NPFFR2: variants seen among roughly 807,000 people sequenced by gnomAD.
The protein encoded by NPFFR2 is G-protein coupled receptor 74.
Under a neutral mutation model 13.1 loss-of-function variants are expected in NPFFR2, and 15 were observed. The observed-to-expected ratio is 1.15, with a 90% confidence interval of 0.77 to 1.76. NPFFR2 has a LOEUF of 1.76. NPFFR2 is among the 40% of genes most tolerant of loss of function. The pLI is 0.00. For missense variants in NPFFR2, 572 were observed against 503.5 expected (o/e 1.14, Z -1.30); for synonymous variants, 190 against 175.7 (o/e 1.08, Z -0.65).
chr4:72,041,249 T>G (rs1205577547), intron 1 of NPFFR2, among the ~76,000 whole-genome samples: 1 of 152,196 alleles, frequency 6.6e-6, no homozygotes, highest in African/African-American at 2.4e-5. Context: ...ACATATGGTA[T>G]TTAGTTTTCT....
At chr4:72,144,186 A>T (rs1722708621) in intron 3 of NPFFR2, among the ~76,000 whole-genome samples, 1 of 118,098 alleles carries the variant, frequency 8.5e-6, no homozygotes, top group African/African-American at 4.4e-5. Context: ...TCCAGGGAGA[A>T]CTTGAATATG....
rs544765945 is a variant in NPFFR2 at position 72,070,667 on chromosome 4, C to T, written c.-8+38467C>T. Among the ~76,000 whole-genome samples, 21 of 151,930 alleles carry T rather than the reference C, an allele frequency of 1.4e-4. 1 individual carries two copies. The highest frequency in any genetic ancestry group is 1.2e-3 in the Admixed American group (18 of 15,224). Reference sequence around the variant, plus strand: ...GACACAAATGCCTGAGGACCCTCCCCTCATGGCCTTCCGCAGCTCCATTTG... The same window carrying T: ...GACACAAATGCCTGAGGACCCTCCCTTCATGGCCTTCCGCAGCTCCATTTG... On this transcript the variant is annotated intron_variant, in intron 1 of 3. Transcript: ENST00000308744.
intron 1 of NPFFR2, among the ~76,000 whole-genome samples, chr4:72,061,166 A>G (rs1022605770): frequency 6.6e-6 from 1 of 152,160 alleles, no homozygotes; most frequent in African/African-American, 2.4e-5. Flanking sequence ...ACTGACAGTC[A>G]TGATTTGCAA....
intron 1 of NPFFR2, among the ~76,000 whole-genome samples, chr4:72,063,161 A>C (rs2109776535): frequency 6.6e-6 from 1 of 152,324 alleles, no homozygotes; most frequent in Non-Finnish European, 1.5e-5. Flanking sequence ...TGCTTTCAAA[A>C]ACATTAATTT....
intron 1 of NPFFR2, among the ~76,000 whole-genome samples, chr4:72,078,771 A>C (rs1720514800): frequency 1.3e-5 from 2 of 152,140 alleles, no homozygotes. Flanking sequence ...AACATACCCA[A>C]ATTTTTGACA....
intron 1 of NPFFR2, among the ~76,000 whole-genome samples, chr4:72,109,198 C>A (rs1252177054): frequency 2.6e-5 from 4 of 152,004 alleles, no homozygotes; most frequent in Non-Finnish European, 2.9e-5. Flanking sequence ...GGCCATTAGT[C>A]AGCACCCAGA....
Position 72,147,950 on chromosome 4 carries a change from TTAAAAA to T in NPFFR2, c.*143_*148del, listed in dbSNP as rs1366616240. The T allele has an allele frequency of 7.8e-6, 5 of 637,356 alleles. No individual in the cohort carries two copies. The East Asian group carries it at 1.5e-4, about 19-fold the overall frequency. The allele number at this position is 637,356 out of a possible 1,614,324, so 39.5% of individuals were successfully genotyped here. On this transcript the variant is annotated 3_prime_UTR_variant, in exon 4 of 4. Transcript: ENST00000308744. ...CTGAAAGCCCTCTCTGGCAAAAAAA[TTAAAAA>T]TAAACAAAAATGGTCATAAGATCAT...
chr4:72,127,863 C>T (rs532594932), intron 1 of NPFFR2, among the ~76,000 whole-genome samples: 6 of 151,764 alleles, frequency 4.0e-5, no homozygotes. Flanking sequence ...GTGGATCACT[C>T]GAACTCAGGA....
chr4:72,083,383 C>T (rs1432440141), intron 1 of NPFFR2, among the ~76,000 whole-genome samples: 2 of 152,176 alleles, frequency 1.3e-5, no homozygotes, highest in East Asian at 3.8e-4. Flanking sequence ...AATAGCCCTT[C>T]TGATAGATGT....
At chr4:72,105,454 G>A (rs4235104) in intron 1 of NPFFR2, among the ~76,000 whole-genome samples, 143,927 of 152,034 alleles carry the variant, frequency 0.95, 68,564 homozygotes, top group East Asian at 1. Flanking sequence ...AAAATTATCA[G>A]TATTTGTTAA....
intron 2 of NPFFR2, among the ~76,000 whole-genome samples, chr4:72,133,641 A>G (rs1015132025): frequency 6.6e-6 from 1 of 152,170 alleles, no homozygotes; most frequent in Non-Finnish European, 1.5e-5. Flanking sequence ...ATCCGTGGGC[A>G]TGGAGTGTTT....
chr4:72,146,892 G>A, intron 3 of NPFFR2, 86 bp from the exon 4 acceptor site: 3 of 854,076 alleles, frequency 3.5e-6, no homozygotes, highest in Non-Finnish European at 5.6e-6. Context: ...AGGGTGAGAG[G>A]CCTGTAACTA....
intron 1 of NPFFR2, among the ~76,000 whole-genome samples, chr4:72,042,654 C>T (rs1258109142): frequency 6.6e-6 from 1 of 152,134 alleles, no homozygotes; most frequent in African/African-American, 2.4e-5. Context: ...CTCTTGTATG[C>T]TTTAGCAAAG....
chr4:72,141,226 A>C (rs1328422791), intron 3 of NPFFR2, among the ~76,000 whole-genome samples: 1 of 151,230 alleles, frequency 6.6e-6, no homozygotes, highest in Non-Finnish European at 1.5e-5. Context: ...GGATTCATTA[A>C]TTTTTTTAAG....
At chr4:72,139,513 G>A (rs553155690) in intron 3 of NPFFR2, among the ~76,000 whole-genome samples, 87 of 152,200 alleles carry the variant, frequency 5.7e-4, no homozygotes, top group African/African-American at 2.0e-3. Context: ...TATTAAATGG[G>A]GAATCCTTTC....
At chr4:72,078,193 T>G (rs1375430848) in intron 1 of NPFFR2, among the ~76,000 whole-genome samples, 1 of 152,126 alleles carries the variant, frequency 6.6e-6, no homozygotes, top group Non-Finnish European at 1.5e-5. Flanking sequence ...TCCAGCAGTA[T>G]TTGTTGAAAA....
intron 1 of NPFFR2, among the ~76,000 whole-genome samples, chr4:72,101,267 A>G (rs1000531872): frequency 1.3e-5 from 2 of 151,990 alleles, no homozygotes; most frequent in African/African-American, 4.8e-5. Context: ...CTTGAATAAG[A>G]TATTCCTATG....
At chr4:72,039,848 A>C (rs1252186069) in intron 1 of NPFFR2, among the ~76,000 whole-genome samples, 1 of 152,204 alleles carries the variant, frequency 6.6e-6, no homozygotes, top group Non-Finnish European at 1.5e-5. Context: ...CATTTTTACC[A>C]GAAGACTATG....
Position 72,099,064 on chromosome 4 carries a change from A to G in NPFFR2, c.-7-29521A>G, listed in dbSNP as rs562837150. On this transcript the variant is annotated intron_variant, in intron 1 of 3. Transcript: ENST00000308744. ...ATATGTACAGGCAACTTATAAAGGA[A>G]CAATTTACTTATATAATACTTCAAC... Among the ~76,000 whole-genome samples, 4 of 152,288 alleles carry G rather than the reference A, an allele frequency of 2.6e-5. No individual in the cohort carries two copies. In the East Asian group the frequency reaches 7.7e-4, roughly 29 times the overall value.
Sources: allele counts gnomAD v4.1 joint callset (sites outside exome capture counted in the v4.1 genomes callset), GRCh38; gene constraint gnomAD v4.1.1; transcripts MANE v1.5; gene names NCBI Gene and HGNC (gene_info 2026-07-23, HGNC 2026-07-21).